The following SNX25 variants were observed in gnomAD, a reference collection of about 807,000 sequenced individuals.
SNX25 encodes the protein sorting nexin 25.
A neutral mutation model predicts 113.7 loss-of-function variants in SNX25; 62 were observed. The observed-to-expected ratio is 0.55, with a 90% CI of 0.44 to 0.67. The LOEUF (loss-of-function observed/expected upper bound fraction) is 0.67, where lower values mean the gene tolerates loss of function less well. SNX25 is among the 30% of genes least tolerant of loss of function. The pLI, the probability that SNX25 is intolerant of heterozygous loss-of-function variation, is 0.00. For synonymous variants in SNX25, 421 were observed against 436.2 expected (o/e 0.97, Z 0.43); for missense variants, 1,014 against 1,161.0 (o/e 0.87, Z 1.84).
chr4:185,370,558 T>C (rs780017843), downstream of SNX25: 180 of 1,421,926 alleles, frequency 1.3e-4, no homozygotes, highest in Non-Finnish European at 1.7e-4. Context: ...GAAAAAACAC[T>C]AATCCGTAAA....
chr4:185,304,693 T>G (rs968137749), intron 6 of SNX25, among the ~76,000 whole-genome samples: 2 of 152,098 alleles, frequency 1.3e-5, no homozygotes, highest in Non-Finnish European at 2.9e-5. Flanking sequence ...CTTGCTGTGT[T>G]GCCCAAGCTG....
intron 3 of SNX25, among the ~76,000 whole-genome samples, chr4:185,263,542 A>G (rs1403395357): frequency 6.6e-6 from 1 of 152,112 alleles, no homozygotes; most frequent in East Asian, 1.9e-4. Context: ...AGCGTTATAC[A>G]CTCTAGAAAC....
rs3733643 is a variant in SNX25, at chr4:185,323,539, A to G, written c.1488A>G (p.Pro496=). The G allele has an allele frequency of 8.1e-6, 13 of 1,609,218 alleles. No individual in the cohort carries two copies. In the East Asian group the frequency reaches 2.9e-4, roughly 36 times the overall value. The change falls in exon 9 of 19, where the codon CCA becomes CCG. Residue 496 remains proline (P), a synonymous_variant. Transcript: ENST00000652585. ...HLKNANKNEI[P]QLVGEIYQNF... ...TCCTGTCTTTTCAGAATGAAATTCC[A>G]CAATTAGTTGGTGAAATTTATCAGA...
At chr4:185,357,953 G>A (rs1386416560) in intron 16 of SNX25, among the ~76,000 whole-genome samples, 2 of 152,180 alleles carry the variant, frequency 1.3e-5, no homozygotes, top group Non-Finnish European at 2.9e-5. Flanking sequence ...AGAAAAGCTT[G>A]AGCTACTTCC....
chr4:185,226,725 A>G (rs904119997), intron 1 of SNX25, among the ~76,000 whole-genome samples: 4 of 152,248 alleles, frequency 2.6e-5, no homozygotes, highest in Non-Finnish European at 5.9e-5. Context: ...TGCTGGGATT[A>G]CAGGCATGAG....
intron 9 of SNX25, among the ~76,000 whole-genome samples, chr4:185,328,831 C>T (rs908450722): frequency 1.3e-5 from 2 of 152,048 alleles, no homozygotes; most frequent in African/African-American, 4.8e-5. Context: ...AGTTTTTGAA[C>T]AGGTAACAGG....
chr4:185,354,119 C>T (rs898896891), intron 15 of SNX25, among the ~76,000 whole-genome samples: 4 of 152,004 alleles, frequency 2.6e-5, no homozygotes, highest in Non-Finnish European at 2.9e-5. Flanking sequence ...TCTGTCCTAA[C>T]GTAACATAGC....
At chr4:185,375,366 G>A in the SNX25 span, among the ~76,000 whole-genome samples, 1,909 of 140,188 alleles carry the variant, frequency 0.014, 42 homozygotes, top group African/African-American at 0.047. Flanking sequence ...TGAGGCAGAA[G>A]AATCACTCGA....
At position 185,247,284 on chromosome 4, in the gene SNX25, T is replaced by G; in HGVS notation, c.430-10T>G. Reference sequence around the variant, plus strand: ...GTAATCTGCTTTGTATTTTTTTCCTTTCATTTCAGAGTCCTGTGTATGGAA... The same window carrying G: ...GTAATCTGCTTTGTATTTTTTTCCTGTCATTTCAGAGTCCTGTGTATGGAA... On this transcript the variant is annotated splice_polypyrimidine_tract_variant and intron_variant, in intron 1 of 18. Coordinates refer to ENST00000652585, the MANE Select transcript of SNX25 (RefSeq NM_001378034.2). The G allele has an allele frequency of 1.3e-6, 2 of 1,573,480 alleles. No individual in the cohort carries two copies. Among genetic ancestry groups the G allele is most frequent in the Non-Finnish European group, 1.7e-6 (2 of 1,162,846 alleles).
At chr4:185,317,002 T>A (rs1490473541) in intron 7 of SNX25, among the ~76,000 whole-genome samples, 1 of 152,210 alleles carries the variant, frequency 6.6e-6, no homozygotes, top group African/African-American at 2.4e-5. Context: ...AAGTCCTTAG[T>A]TACTAGGAGC....
In SNX25 at chr4:185,346,556, A is replaced by C. The variant is rs762415135; in HGVS notation, c.2207A>C (p.Lys736Thr). 6.3e-6 allele frequency: 10 copies of C among 1,595,166 alleles called. No individual in the cohort carries two copies. The Admixed American group carries it at 1.7e-4, about 26-fold the overall frequency. ...CCACAGTGCGTCCCTTCTTTAAAAA[A>C]AGTCCAGTTGCCTTCTCTTAGCAAG... ...KLSECVPSLK[K>T]VQLPSLSKLP... is the part of the protein sequence containing the mutation. Residue 736 changes from lysine (K) to threonine (T), a missense_variant, in exon 13 of 19, where the codon AAA (lysine) becomes ACA (threonine). Transcript: ENST00000652585.
intron 9 of SNX25, among the ~76,000 whole-genome samples, chr4:185,328,422 T>C (rs554726767): frequency 2.6e-5 from 4 of 152,276 alleles, no homozygotes; most frequent in African/African-American, 9.6e-5. Context: ...TTAGGGTCTT[T>C]CATACGTGCA....
chr4:185,288,109 T>A (rs1298964130), intron 6 of SNX25, 27 bp downstream of exon 6: 1 of 1,596,672 alleles, frequency 6.3e-7, no homozygotes, highest in African/African-American at 1.3e-5. Flanking sequence ...TTTCTTCAGT[T>A]CCACATCTGA....
At chr4:185,225,620 G>A (rs1740884599) in intron 1 of SNX25, among the ~76,000 whole-genome samples, 1 of 152,226 alleles carries the variant, frequency 6.6e-6, no homozygotes, top group Admixed American at 6.5e-5. Context: ...TATTACAGGA[G>A]TTATGTAATG....
chr4:185,252,061 G>A (rs568880486), intron 2 of SNX25, among the ~76,000 whole-genome samples: 39 of 151,742 alleles, frequency 2.6e-4, no homozygotes, highest in African/African-American at 8.7e-4. Flanking sequence ...CTGAAGTTCA[G>A]CATTATATAA....
chr4:185,268,121 A>G (rs1748401054), intron 5 of SNX25, among the ~76,000 whole-genome samples: 1 of 152,190 alleles, frequency 6.6e-6, no homozygotes, highest in African/African-American at 2.4e-5. Context: ...ATGAGGCTAT[A>G]ATAGACTGAA....
intron 2 of SNX25, among the ~76,000 whole-genome samples, chr4:185,258,239 T>G (rs979268661): frequency 1.3e-5 from 2 of 152,140 alleles, no homozygotes; most frequent in Non-Finnish European, 2.9e-5. Flanking sequence ...CCAGCAGAAT[T>G]CTGTGGGAAG....
At position 185,351,552 on chromosome 4, in the gene SNX25, T is replaced by G; in HGVS notation, c.2409T>G (p.Ser803=). The stretch of plus-strand genomic sequence containing the variant: ...TCGACGTGCAGGGGAAAAAAAATTC[T>G]TTTTCATTATCCTCATTTTTGGAAA... The part of the protein sequence containing the change: ...KVIDVQGKKN[S]FSLSSFLERL... Residue 803 remains serine, a synonymous_variant, in exon 14 of 19, where the codon TCT becomes TCG. Coordinates refer to ENST00000652585, the MANE Select transcript of SNX25 (RefSeq NM_001378034.2). 1 of 1,614,208 alleles carries G rather than the reference T, an allele frequency of 6.2e-7. No individual in the cohort carries two copies.
chr4:185,264,454 A>C lies in SNX25; in HGVS notation c.748A>C (p.Arg250=). 1 of 1,613,118 alleles carries C rather than the reference A, an allele frequency of 6.2e-7. No homozygotes were observed. The highest frequency in any genetic ancestry group is 1.3e-5 in the African/African-American group (1 of 75,026). The part of the protein sequence containing the change: ...AANARHEEQP[R]PFVLHACLRN... ...TTTATTTAGACATGAAGAACAGCCA[A>C]GACCTTTTGTGTTGCACGCATGCTT... is the stretch of plus-strand genomic sequence containing the variant. The change falls in exon 4 of 19, where the codon AGA becomes CGA. Residue 250 remains arginine, a synonymous_variant. Coordinates refer to ENST00000652585, the MANE Select transcript of SNX25 (RefSeq NM_001378034.2).
Sources: allele counts gnomAD v4.1 joint callset (sites outside exome capture counted in the v4.1 genomes callset), GRCh38; gene constraint gnomAD v4.1.1; transcripts MANE v1.5; gene names NCBI Gene and HGNC (gene_info 2026-07-23, HGNC 2026-07-21).